The following CMKLR1 variants were observed in gnomAD, a reference collection of about 807,000 sequenced individuals.
CMKLR1 encodes the protein chemerin chemokine-like receptor 1.
Under a neutral mutation model 8.2 loss-of-function variants are expected in CMKLR1, and 6 were observed. That is an observed-to-expected ratio of 0.73 (90% CI 0.40 to 1.44). The LOEUF (loss-of-function observed/expected upper bound fraction) is 1.44. Ranked by LOEUF, CMKLR1 falls within the 40% of genes most tolerant of loss-of-function variation. The pLI is 0.02. For synonymous variants in CMKLR1, 178 were observed against 181.2 expected (o/e 0.98, Z 0.14); for missense variants, 429 against 478.0 (o/e 0.90, Z 0.96).
intron 2 of CMKLR1, among the ~76,000 whole-genome samples, chr12:108,296,466 A>T (rs1452645050): frequency 6.6e-6 from 1 of 152,146 alleles, no homozygotes; most frequent in Non-Finnish European, 1.5e-5. Context: ...TGAGGCTAGG[A>T]AGCCAGAGGA....
intron 2 of CMKLR1, among the ~76,000 whole-genome samples, chr12:108,323,089 C>T (rs983544801): frequency 7.2e-5 from 11 of 152,178 alleles, no homozygotes; most frequent in African/African-American, 2.2e-4. Flanking sequence ...GTCAACTTCA[C>T]GCCTTGGGAT....
At chr12:108,305,990 G>A (rs1032933637) in intron 2 of CMKLR1, among the ~76,000 whole-genome samples, 1 of 152,120 alleles carries the variant, frequency 6.6e-6, no homozygotes, top group Non-Finnish European at 1.5e-5. Context: ...AAATATTCAC[G>A]CCACTGCCTG....
intron 2 of CMKLR1, among the ~76,000 whole-genome samples, chr12:108,311,257 G>A (rs554911348): frequency 6.6e-6 from 1 of 151,954 alleles, no homozygotes; most frequent in South Asian, 2.1e-4. Context: ...TTCCTACTAT[G>A]TCAGATCCAG....
At chr12:108,338,234 G>A (rs1892276880) in intron 1 of CMKLR1, among the ~76,000 whole-genome samples, 1 of 152,176 alleles carries the variant, frequency 6.6e-6, no homozygotes, top group African/African-American at 2.4e-5. Context: ...AAGGTTTTGT[G>A]TCCTTTATAT....
intron 2 of CMKLR1, chr12:108,318,050 A>G (rs1043397181): frequency 2.6e-5 from 4 of 152,280 alleles, no homozygotes; most frequent in Admixed American, 2.6e-4. Context: ...ATATGTACAA[A>G]GCATCTTATC....
chr12:108,329,299 C>A (rs1319230404), intron 2 of CMKLR1, among the ~76,000 whole-genome samples: 1 of 152,182 alleles, frequency 6.6e-6, no homozygotes, highest in Non-Finnish European at 1.5e-5. Context: ...CTGCTTCCTG[C>A]CCACCACGCC....
chr12:108,291,853 G>T lies in CMKLR1; in HGVS notation c.1110C>A (p.Thr370=), dbSNP rs199778809. The part of the protein sequence containing the change: ...NERTSMNERE[T]GML ...TCCACAGTGAGGATCAAAGCATGCC[G>T]GTCTCCCTCTCATTCATAGAAGTCC... The change falls in exon 4 of 4, where the codon ACC becomes ACA. Residue 370 remains threonine, a synonymous_variant. Coordinates refer to ENST00000550402, the MANE Select transcript of CMKLR1 (RefSeq NM_001142343.2). 118 of 1,612,298 alleles carry T rather than the reference G, an allele frequency of 7.3e-5. No individual in the cohort carries two copies. The highest frequency in any genetic ancestry group is 9.6e-5 in the Non-Finnish European group (113 of 1,179,172).
At position 108,289,410 on chromosome 12, in the gene CMKLR1, G is replaced by A. The variant is rs1890895025; in HGVS notation, c.*2431C>T. 6.6e-6 allele frequency: 1 copy of A among 152,308 alleles called. No homozygotes were observed. 9.4% of individuals were successfully genotyped at this position (152,308 alleles called of 1,614,324 possible). ...ATTTAAGTACTTGACAGGAACCTAA[G>A]TCAGAACAGGAAGACCCACAGAGCA... On this transcript the variant is annotated 3_prime_UTR_variant, in exon 4 of 4. Coordinates refer to ENST00000550402, the MANE Select transcript of CMKLR1 (RefSeq NM_001142343.2).
intron 2 of CMKLR1, among the ~76,000 whole-genome samples, chr12:108,310,822 A>G (rs1267805397): frequency 6.6e-6 from 1 of 152,120 alleles, no homozygotes; most frequent in Non-Finnish European, 1.5e-5. Context: ...TCATGGACCC[A>G]GGGCCTTTCA....
chr12:108,334,262 C>A lies in CMKLR1; in HGVS notation c.-286-4055G>T, dbSNP rs142305692. On this transcript the variant is annotated intron_variant, in intron 1 of 3. Transcript: ENST00000550402. ...TATATGTTACAAGTTTGTCTCTCCT[C>A]CCCTGAGGGCCTCAAAGACAGGAAG... is the stretch of plus-strand genomic sequence containing the variant. 3.9e-5 allele frequency among the ~76,000 whole-genome samples: 6 copies of A among 152,372 alleles called. No homozygotes were observed. In the East Asian group the frequency reaches 1.2e-3, roughly 29 times the overall value.
intron 2 of CMKLR1, among the ~76,000 whole-genome samples, chr12:108,323,206 C>T (rs764253108): frequency 1.3e-5 from 2 of 152,180 alleles, no homozygotes; most frequent in African/African-American, 4.8e-5. Flanking sequence ...CATCCTTTAC[C>T]ATCACCACCA....
chr12:108,294,001 A>G (rs567422112), intron 2 of CMKLR1, among the ~76,000 whole-genome samples: 2 of 152,338 alleles, frequency 1.3e-5, no homozygotes, highest in South Asian at 4.1e-4. Flanking sequence ...ATCCACTACC[A>G]GGTCGGGACT....
In CMKLR1 at chr12:108,292,078, G is replaced by C; in HGVS notation, c.885C>G (p.Ser295Arg). ...GGGCAGTGGCCAGGGGCAAACCCAG[G>C]CTGAAGACAGAGCCAGGCATGGCAG... ...HHTAMPGSVFSLGLPLATALA... is the reference protein window; with the variant it reads ...HHTAMPGSVFRLGLPLATALA... Residue 295 changes from serine (S) to arginine (R), a missense_variant, in exon 4 of 4, where the codon AGC (serine) becomes AGG (arginine). Transcript: ENST00000550402. 6.2e-7 allele frequency: 1 copy of C among 1,614,238 alleles called. No individual in the cohort carries two copies. Among genetic ancestry groups the C allele is most frequent in the East Asian group, 2.2e-5 (1 of 44,878 alleles).
chr12:108,325,557 A>G (rs1309936069), intron 2 of CMKLR1, among the ~76,000 whole-genome samples: 4 of 152,188 alleles, frequency 2.6e-5, no homozygotes, highest in African/African-American at 9.7e-5. Flanking sequence ...GCAAATACCA[A>G]AAGCAAGAAA....
In CMKLR1 at chr12:108,316,112, A is replaced by G. The variant is rs556964905; in HGVS notation, c.-74+13883T>C. Among the ~76,000 whole-genome samples the G allele has an allele frequency of 9.2e-5, 14 of 152,346 alleles. No individual in the cohort carries two copies. In the South Asian group the frequency reaches 2.9e-3, roughly 32 times the overall value. ...TGGAGTCACTGCAAAATGAAAATGC[A>G]GCCCCTTATTCAAAAATTACTGAGA... is the stretch of plus-strand genomic sequence containing the variant. On this transcript the variant is annotated intron_variant, in intron 2 of 3. Transcript: ENST00000550402.
intron 2 of CMKLR1, among the ~76,000 whole-genome samples, chr12:108,304,431 AC>A (rs1891354770): frequency 6.6e-6 from 1 of 151,862 alleles, no homozygotes; most frequent in Non-Finnish European, 1.5e-5. Flanking sequence ...CCTTGATTAA[AC>A]CCCTTTGCCC....
intron 2 of CMKLR1, among the ~76,000 whole-genome samples, chr12:108,305,297 A>G (rs1401724525): frequency 6.6e-6 from 1 of 152,194 alleles, no homozygotes; most frequent in Admixed American, 6.5e-5. Context: ...AGGTGAAGTG[A>G]CTAGTCCAGA....
In CMKLR1 at chr12:108,292,113, G is replaced by A; in HGVS notation, c.850C>T (p.Leu284Phe). The A allele has an allele frequency of 1.9e-6, 3 of 1,614,196 alleles. No individual in the cohort carries two copies. Among genetic ancestry groups the A allele is most frequent in the South Asian group, 1.1e-5 (1 of 91,080 alleles). Residue 284 changes from leucine (L) to phenylalanine (F), a missense_variant, in exon 4 of 4, where the codon CTC becomes TTC. Transcript: ENST00000550402. ...CPYHTLNLLE[L>F]HHTAMPGSVF... ...GAGCCAGGCATGGCAGTGTGGTGGAGCTCTAGGAGGTTGAGTGTGTGGTAG... is the reference window on the plus strand; with the variant it reads ...GAGCCAGGCATGGCAGTGTGGTGGAACTCTAGGAGGTTGAGTGTGTGGTAG...
At chr12:108,332,599 C>T (rs12372532) in intron 1 of CMKLR1, among the ~76,000 whole-genome samples, 9,276 of 152,238 alleles carry the variant, frequency 0.061, 350 homozygotes, top group South Asian at 0.093. Context: ...GCCTCCCAGC[C>T]TACATCTTTC....
Sources: allele counts gnomAD v4.1 joint callset (sites outside exome capture counted in the v4.1 genomes callset), GRCh38; gene constraint gnomAD v4.1.1; transcripts MANE v1.5; gene names NCBI Gene and HGNC (gene_info 2026-07-23, HGNC 2026-07-21).